CNTN3: variants seen among roughly 807,000 people sequenced by gnomAD.
CNTN3 encodes contactin-3.
A neutral mutation model predicts 119.1 loss-of-function variants in CNTN3; 60 were observed. The observed-to-expected ratio is 0.50, with a 90% confidence interval of 0.41 to 0.62. The LOEUF is 0.62. CNTN3 is among the 20% of genes least tolerant of loss of function. The probability of loss-of-function intolerance (pLI) is 0.00; values close to 1 mark genes in which losing one functional copy is unlikely to be tolerated. For missense variants in CNTN3, 1,101 were observed against 1,242.4 expected (o/e 0.89, Z 1.71); for synonymous variants, 450 against 438.7 (o/e 1.03, Z -0.32).
At chr3:74,406,716 A>G (rs1164400493) in intron 5 of CNTN3, among the ~76,000 whole-genome samples, 1 of 152,064 alleles carries the variant, frequency 6.6e-6, no homozygotes, top group Non-Finnish European at 1.5e-5. Context: ...CAAATCTACA[A>G]TTTCACCAAA....
At chr3:74,544,885 A>G (rs1250191753) in intron 1 of CNTN3, among the ~76,000 whole-genome samples, 2 of 152,180 alleles carry the variant, frequency 1.3e-5, no homozygotes, top group Non-Finnish European at 2.9e-5. Flanking sequence ...GGCATGAGCC[A>G]CCATGCCCGG....
intron 3 of CNTN3, among the ~76,000 whole-genome samples, chr3:74,491,743 C>T (rs1472129291): frequency 6.6e-6 from 1 of 152,042 alleles, no homozygotes; most frequent in Non-Finnish European, 1.5e-5. Flanking sequence ...GTAAACATTG[C>T]CTTTTGGTTC....
At chr3:74,454,985 T>C (rs1390653451) in intron 4 of CNTN3, among the ~76,000 whole-genome samples, 1 of 152,182 alleles carries the variant, frequency 6.6e-6, no homozygotes, top group Non-Finnish European at 1.5e-5. Flanking sequence ...ATTATGTGTC[T>C]TGGAGTTGCT....
chr3:74,552,468 C>A (rs1423136296), intron 1 of CNTN3, among the ~76,000 whole-genome samples: 1 of 152,100 alleles, frequency 6.6e-6, no homozygotes, highest in Non-Finnish European at 1.5e-5. Flanking sequence ...ATCTGTGTGA[C>A]CTGTGTTTTG....
At chr3:74,588,439 C>T (rs1450484941) in intron 1 of CNTN3, among the ~76,000 whole-genome samples, 2 of 151,964 alleles carry the variant, frequency 1.3e-5, no homozygotes, top group Admixed American at 6.6e-5. Context: ...CAAACCACTG[C>T]TCAAGGAAAT....
chr3:74,479,083 G>C (rs777367942), intron 4 of CNTN3, among the ~76,000 whole-genome samples: 2 of 152,046 alleles, frequency 1.3e-5, no homozygotes, highest in African/African-American at 2.4e-5. Flanking sequence ...AGACTGTCTG[G>C]GGGAGGGAGG....
At position 74,272,557 on chromosome 3, in the gene CNTN3, T is replaced by C. The variant is rs112822811; in HGVS notation, c.2705-5179A>G. Among the ~76,000 whole-genome samples, 725 of 152,284 alleles carry C rather than the reference T, an allele frequency of 4.8e-3. 5 individuals are homozygous for C. The highest frequency in any genetic ancestry group is 0.017 in the African/African-American group (686 of 41,552). ...CCCTCCTGAATCTGAGGAATGCACA[T>C]TGATAGGCTTGTATTGCATTATATG... On this transcript the variant is annotated intron_variant, in intron 20 of 22. Coordinates refer to ENST00000263665, the MANE Select transcript of CNTN3 (RefSeq NM_020872.3).
intron 2 of CNTN3, among the ~76,000 whole-genome samples, chr3:74,510,826 C>G (rs1703351424): frequency 6.6e-6 from 1 of 152,102 alleles, no homozygotes; most frequent in Non-Finnish European, 1.5e-5. Flanking sequence ...TAATCTAAAT[C>G]TTCCAAAGTT....
At chr3:74,485,840 G>T (rs1702846450) in intron 4 of CNTN3, among the ~76,000 whole-genome samples, 1 of 152,138 alleles carries the variant, frequency 6.6e-6, no homozygotes, top group East Asian at 1.9e-4. Context: ...TCTCAGGTTG[G>T]GCTATGTGCC....
At chr3:74,353,323 G>T (rs187069910) in intron 11 of CNTN3, among the ~76,000 whole-genome samples, 90 of 152,318 alleles carry the variant, frequency 5.9e-4, no homozygotes, top group African/African-American at 2.1e-3. Flanking sequence ...GATTCTGCTT[G>T]TAAGTACCAT....
intron 1 of CNTN3, among the ~76,000 whole-genome samples, chr3:74,583,549 T>C (rs557597578): frequency 6.6e-5 from 10 of 152,194 alleles, no homozygotes; most frequent in African/African-American, 2.2e-4. Flanking sequence ...AGTGGCTGAC[T>C]CGGAGGACGT....
intron 5 of CNTN3, among the ~76,000 whole-genome samples, chr3:74,392,543 C>T (rs185111548): frequency 1.4e-4 from 22 of 152,190 alleles, no homozygotes; most frequent in East Asian, 5.8e-4. Context: ...GATATTAGGT[C>T]GAGAGAATAT....
rs528099480 is a variant in CNTN3, at chr3:74,540,752, A to G, written c.-80-19560T>C. On this transcript the variant is annotated intron_variant, in intron 1 of 22. Coordinates refer to ENST00000263665, the MANE Select transcript of CNTN3 (RefSeq NM_020872.3). Reference sequence around the variant, plus strand: ...TCTTCTGCTTCTCTTTTTCCAAACTACATACCTCATCCCTAATTCAACAAG... The same window carrying G: ...TCTTCTGCTTCTCTTTTTCCAAACTGCATACCTCATCCCTAATTCAACAAG... Among the ~76,000 whole-genome samples, 9 of 152,250 alleles carry G rather than the reference A, an allele frequency of 5.9e-5. No homozygotes were observed. The South Asian group carries it at 1.9e-3, about 32-fold the overall frequency.
rs144929614 is a variant in CNTN3, at chr3:74,316,927, C to CA, written c.1669-14121dup. On this transcript the variant is annotated intron_variant, in intron 13 of 22. Coordinates refer to ENST00000263665, the MANE Select transcript of CNTN3 (RefSeq NM_020872.3). Reference sequence around the variant, plus strand: ...TGGGTGACAGAGTGAGACTCCATCTCAAAAAAAAAAAAAAAGTCTCCCATT... The same window carrying CA: ...TGGGTGACAGAGTGAGACTCCATCTCAAAAAAAAAAAAAAAAGTCTCCCATT... Among the ~76,000 whole-genome samples the CA allele has an allele frequency of 8.2e-3, 1,060 of 128,730 alleles. 5 individuals are homozygous for CA. The highest frequency in any genetic ancestry group is 0.027 in the African/African-American group (940 of 35,052). The allele number at this position is 128,730 out of a possible 152,430, so 84.5% of individuals were successfully genotyped here. A position where few individuals can be genotyped will look rare whatever the true frequency, so the allele number is the denominator to read the frequency against.
intron 2 of CNTN3, among the ~76,000 whole-genome samples, chr3:74,511,346 T>C (rs1236886325): frequency 6.6e-6 from 1 of 152,076 alleles, no homozygotes; most frequent in Admixed American, 6.6e-5. Context: ...GCAAAATAAG[T>C]TGATTTATCA....
chr3:74,560,979 G>A (rs1704144059), intron 1 of CNTN3, among the ~76,000 whole-genome samples: 1 of 132,672 alleles, frequency 7.5e-6, no homozygotes, highest in South Asian at 2.4e-4. Flanking sequence ...TGAACAATGA[G>A]AACACTTGGA....
intron 2 of CNTN3, among the ~76,000 whole-genome samples, chr3:74,509,532 G>A (rs1234926593): frequency 6.6e-6 from 1 of 152,032 alleles, no homozygotes; most frequent in African/African-American, 2.4e-5. Flanking sequence ...TCCTGACCTC[G>A]TGATCCACCC....
At chr3:74,541,304 T>C (rs558062067) in intron 1 of CNTN3, among the ~76,000 whole-genome samples, 6 of 152,230 alleles carry the variant, frequency 3.9e-5, no homozygotes, top group East Asian at 1.9e-4. Context: ...AAAATGATCA[T>C]AGCAGCATCA....
At chr3:74,293,300 T>C (rs1340117264) in intron 19 of CNTN3, among the ~76,000 whole-genome samples, 3 of 152,206 alleles carry the variant, frequency 2.0e-5, no homozygotes, top group Admixed American at 2.0e-4. Flanking sequence ...CTTTTCTTAA[T>C]TTTTTAATAT....
Sources: allele counts gnomAD v4.1 joint callset (sites outside exome capture counted in the v4.1 genomes callset), GRCh38; gene constraint gnomAD v4.1.1; transcripts MANE v1.5; gene names NCBI Gene and HGNC (gene_info 2026-07-23, HGNC 2026-07-21).